F5: variants seen among roughly 807,000 people sequenced by gnomAD.
F5 encodes the protein activated protein c cofactor.
In F5, 138 loss-of-function variants were observed where a neutral mutation model predicts 216.4. The ratio of observed to expected loss-of-function variants is 0.64; its 90% CI spans 0.56 to 0.73. F5 has a LOEUF of 0.73. Among genes scored for constraint, F5 ranks in the 30% least tolerant of loss-of-function variants. The probability of loss-of-function intolerance (pLI) is 0.00; values close to 1 mark genes in which losing one functional copy is unlikely to be tolerated. For missense variants in F5, 2,403 were observed against 2,674.0 expected (o/e 0.90, Z 2.24); for synonymous variants, 916 against 930.7 (o/e 0.98, Z 0.29).
Position 169,528,024 on chromosome 1 carries a change from C to T in F5, c.5490G>A (p.Leu1830=), listed in dbSNP as rs149092241. Reference sequence around the variant, plus strand: ...TGTCTTGGGAGCCGCCTATGTTCAGCAGGTGTAACCTCACCCACTCTTGCT... The same window carrying T: ...TGTCTTGGGAGCCGCCTATGTTCAGTAGGTGTAACCTCACCCACTCTTGCT... The part of the protein sequence containing the change: ...MYEQEWVRLH[L]LNIGGSQDIH... The change falls in exon 17 of 25, where the codon CTG becomes CTA. Residue 1830 remains leucine (L), a synonymous_variant. Coordinates refer to ENST00000367797, the MANE Select transcript of F5 (RefSeq NM_000130.5). 593 of 1,613,938 alleles carry T rather than the reference C, an allele frequency of 3.7e-4. 1 individual carries two copies. Among genetic ancestry groups the T allele is most frequent in the Middle Eastern group, 2.5e-3 (15 of 6,056 alleles).
intron 14 of F5, among the ~76,000 whole-genome samples, chr1:169,534,662 C>A: frequency 6.8e-6 from 1 of 146,950 alleles, no homozygotes; most frequent in Non-Finnish European, 1.5e-5. Context: ...AGTGAGACTC[C>A]ATCTCAAAAA....
chr1:169,569,591 C>G (rs538429864), intron 3 of F5, among the ~76,000 whole-genome samples: 1 of 152,052 alleles, frequency 6.6e-6, no homozygotes, highest in South Asian at 2.1e-4. Context: ...AAATTGAAAC[C>G]CTTTAGTGAC....
At chr1:169,575,626 A>C (rs935360123) in intron 2 of F5, among the ~76,000 whole-genome samples, 1 of 152,132 alleles carries the variant, frequency 6.6e-6, no homozygotes, top group Admixed American at 6.6e-5. Flanking sequence ...TGTATTTATG[A>C]GATAAAATAG....
At position 169,527,954 on chromosome 1, in the gene F5, T is replaced by G; in HGVS notation, c.5560A>C (p.Asn1854His). The G allele has an allele frequency of 1.2e-6, 2 of 1,613,790 alleles. No individual in the cohort carries two copies. Among genetic ancestry groups the G allele is most frequent in the Non-Finnish European group, 8.5e-7 (1 of 1,179,834 alleles). ...FHGQTLLENGNKQHQLGVWPL... is the reference protein window; with the variant it reads ...FHGQTLLENGHKQHQLGVWPL... ...CAGACCCCTAACTGGTGCTGTTTAT[T>G]GCCATTTTCCAGCAAGGTCTGGCCG... Residue 1854 changes from asparagine to histidine, a missense_variant, in exon 17 of 25, where the codon AAT (asparagine) becomes CAT (histidine). Physicochemically the swap from Asn to His is moderately conservative, Grantham distance 68. This residue lies in a region of F5 where 659 missense variants were observed against 787.9 expected (regional missense o/e 0.84). Transcript: ENST00000367797.
Position 169,541,830 on chromosome 1 carries a change from G to A in F5, c.3260C>T (p.Pro1087Leu). 7 of 1,614,056 alleles carry A rather than the reference G, an allele frequency of 4.3e-6. No individual in the cohort carries two copies. Among genetic ancestry groups the A allele is most frequent in the Non-Finnish European group, 5.9e-6 (7 of 1,179,974 alleles). The change falls in exon 13 of 25, where the codon CCC becomes CTC. Residue 1087 changes from proline (P) to leucine (L), a missense_variant. This residue lies in a region of F5 where 1,425 missense variants were observed against 1,554.8 expected (regional missense o/e 0.92). Transcript: ENST00000367797. ...SLPTDLNQTL[P>L]SMDFGWIASL... is the part of the protein sequence containing the mutation. ...GGCTATCCAGCCAAAATCCATAGAG[G>A]GCAATGTCTGATTGAGGTCTGTGGG...
rs747488880 is a variant in F5 at position 169,542,572 on chromosome 1, G to T, written c.2518C>A (p.Leu840Ile). The change falls in exon 13 of 25, where the codon CTA (leucine) becomes ATA (isoleucine). Residue 840 changes from leucine (L) to isoleucine (I), a missense_variant. Leu to Ile is a conservative substitution (Grantham distance 5). Coordinates refer to ENST00000367797, the MANE Select transcript of F5 (RefSeq NM_000130.5). ...PYSEDPIEDP[L>I]QPDVTGIRLL... is the part of the protein sequence containing the mutation. Reference sequence around the variant, plus strand: ...CGTATCCCTGTGACATCTGGCTGTAGAGGATCCTCTATAGGGTCTTCAGAA... The same window carrying T: ...CGTATCCCTGTGACATCTGGCTGTATAGGATCCTCTATAGGGTCTTCAGAA... 2 of 1,613,940 alleles carry T rather than the reference G, an allele frequency of 1.2e-6. No homozygotes were observed. Among genetic ancestry groups the T allele is most frequent in the East Asian group, 2.2e-5 (1 of 44,882 alleles).
chr1:169,530,161 T>C (rs1017937114), intron 15 of F5, among the ~76,000 whole-genome samples: 3 of 152,232 alleles, frequency 2.0e-5, no homozygotes, highest in African/African-American at 4.8e-5. Context: ...TATAAATTCA[T>C]TCATTGAACA....
intron 7 of F5, among the ~76,000 whole-genome samples, chr1:169,553,163 T>C (rs566701621): frequency 6.6e-6 from 1 of 152,364 alleles, no homozygotes; most frequent in African/African-American, 2.4e-5. Flanking sequence ...AAACATTTAC[T>C]AGCATTGTTA....
At chr1:169,523,121 A>T in intron 21 of F5, 76 bp downstream of exon 21, 1 of 1,512,582 alleles carries the variant, frequency 6.6e-7, no homozygotes, top group Non-Finnish European at 9.2e-7. Context: ...TAAAATACAT[A>T]ATCATTAGGT....
chr1:169,552,842 T>C (rs776665539), intron 7 of F5, 108 bp from the exon 8 acceptor site: 5 of 811,836 alleles, frequency 6.2e-6, no homozygotes, highest in Non-Finnish European at 8.0e-6. Context: ...GCTAACATAC[T>C]AGTTCTCTAA....
rs766402580 is a variant in F5 at position 169,542,612 on chromosome 1, C to A, written c.2478G>T (p.Glu826Asp). Reference sequence around the variant, plus strand: ...GGTCTTCAGAATATGGGCTGGAATGCTCTGCTGTGGAAGAATTGAGAACTG... The same window carrying A: ...GGTCTTCAGAATATGGGCTGGAATGATCTGCTGTGGAAGAATTGAGAACTG... ...KNSVLNSSTAEHSSPYSEDPI... is the reference protein window; with the variant it reads ...KNSVLNSSTADHSSPYSEDPI... Residue 826 changes from glutamate to aspartate, a missense_variant, in exon 13 of 25, where the codon GAG becomes GAT. Physicochemically the swap from Glu to Asp is conservative, Grantham distance 45. Coordinates refer to ENST00000367797, the MANE Select transcript of F5 (RefSeq NM_000130.5). 2 of 1,613,938 alleles carry A rather than the reference C, an allele frequency of 1.2e-6. No homozygotes were observed. Among genetic ancestry groups the A allele is most frequent in the Non-Finnish European group, 1.7e-6 (2 of 1,179,996 alleles).
At chr1:169,582,199 C>A (rs577219476) in intron 2 of F5, among the ~76,000 whole-genome samples, 84 of 152,208 alleles carry the variant, frequency 5.5e-4, no homozygotes, top group African/African-American at 1.8e-3. Context: ...CCAAAGGGCC[C>A]CTGGCTTGGT....
chr1:169,544,630 A>G (rs1323284044), intron 11 of F5, 122 bp from the exon 12 acceptor site: 31 of 832,200 alleles, frequency 3.7e-5, no homozygotes, highest in East Asian at 7.9e-5. Flanking sequence ...ATTATCCAAG[A>G]TAAGCTTTAT....
chr1:169,556,434 A>AAAAAAAAAAAAC (rs1402288965), intron 6 of F5, among the ~76,000 whole-genome samples: 10 of 149,162 alleles, frequency 6.7e-5, no homozygotes, highest in Admixed American at 1.3e-4. Flanking sequence ...TTAAAAAAAA[A>AAAAAAAAAAAAC]AAAAAAACCT....
Position 169,560,537 on chromosome 1 carries a change from G to T in F5, c.586+17C>A. The stretch of plus-strand genomic sequence containing the variant: ...CCAACATTTAGTTGTTGAATCTTTT[G>T]GTGGGGGTGTTCTTACCTTTTTTAC... On this transcript the variant is annotated intron_variant, in intron 4 of 24. Transcript: ENST00000367797. 6.2e-7 allele frequency: 1 copy of T among 1,610,110 alleles called. No individual in the cohort carries two copies. Among genetic ancestry groups the T allele is most frequent in the Non-Finnish European group, 8.5e-7 (1 of 1,176,666 alleles).
chr1:169,559,075 T>A, intron 5 of F5, 78 bp downstream of exon 5: 4 of 1,515,512 alleles, frequency 2.6e-6, no homozygotes, highest in Non-Finnish European at 2.7e-6. Context: ...TCAACTTCTC[T>A]AGTGCTTTGA....
At chr1:169,526,241 C>G (rs1175220077) in intron 17 of F5, among the ~76,000 whole-genome samples, 1 of 152,122 alleles carries the variant, frequency 6.6e-6, no homozygotes, top group Non-Finnish European at 1.5e-5. Context: ...CCACACCTCA[C>G]TAGAAGAAAC....
chr1:169,560,738 A>G lies in F5; in HGVS notation c.402T>C (p.Pro134=), dbSNP rs778376451. Residue 134 remains proline, a synonymous_variant, in exon 4 of 25, where the codon CCT becomes CCC. Transcript: ENST00000367797. The part of the protein sequence containing the change: ...EGASYLDHTF[P]AEKMDDAVAP... Reference sequence around the variant, plus strand: ...CCACAGCGTCGTCCATCTTCTCCGCAGGGAATGTGTGGTCAAGGTAAGAAG... The same window carrying G: ...CCACAGCGTCGTCCATCTTCTCCGCGGGGAATGTGTGGTCAAGGTAAGAAG... 3.7e-6 allele frequency: 6 copies of G among 1,612,440 alleles called. No homozygotes were observed. The highest frequency in any genetic ancestry group is 2.2e-5 in the South Asian group (2 of 91,020).
chr1:169,586,089 C>G (rs1011610659), intron 1 of F5, 140 bp downstream of exon 1: 2 of 914,410 alleles, frequency 2.2e-6, no homozygotes, highest in African/African-American at 1.7e-5. Flanking sequence ...TTATTTAATT[C>G]AGTATACTCT....
Sources: allele counts gnomAD v4.1 joint callset (sites outside exome capture counted in the v4.1 genomes callset), GRCh38; gene constraint gnomAD v4.1.1; regional missense constraint gnomAD v4.1.1; transcripts MANE v1.5; gene names NCBI Gene and HGNC (gene_info 2026-07-23, HGNC 2026-07-21).